FRMPD3: variants seen among roughly 807,000 people sequenced by gnomAD.
The protein encoded by FRMPD3 is FERM and PDZ domain containing 3.
In FRMPD3, 42 loss-of-function variants were observed where a neutral mutation model predicts 97.9. The observed-to-expected ratio is 0.43, with a 90% confidence interval of 0.34 to 0.55. The LOEUF is 0.55. FRMPD3 is among the 20% of genes least tolerant of loss of function. The pLI is 0.03. For synonymous variants in FRMPD3, 577 were observed against 581.1 expected (o/e 0.99, Z 0.10); for missense variants, 1,303 against 1,457.7 (o/e 0.89, Z 1.73).
chrX:107,568,065 A>G (rs1922686656), intron 12 of FRMPD3, among the ~76,000 whole-genome samples: 1 of 110,791 alleles, frequency 9.0e-6, no homozygotes, highest in Admixed American at 9.7e-5. Flanking sequence ...AAGTACTCTG[A>G]AGAATGGTAC....
At position 107,461,961 on chromosome X, in the gene FRMPD3, C is replaced by T. The variant is rs181404425; in HGVS notation, c.-8+11956C>T. Reference sequence around the variant, plus strand: ...TCCCTGCAGTCATTTTTTTTTTCTTCCCCCAGCCTGCAGTGGCCCCCTTTG... The same window carrying T: ...TCCCTGCAGTCATTTTTTTTTTCTTTCCCCAGCCTGCAGTGGCCCCCTTTG... On this transcript the variant is annotated intron_variant, in intron 1 of 14. Coordinates refer to ENST00000683843, the MANE Select transcript of FRMPD3 (RefSeq NM_001388459.1). 7.4e-5 allele frequency among the ~76,000 whole-genome samples: 8 copies of T among 107,883 alleles called. No homozygotes were observed. The East Asian group carries it at 2.3e-3, about 31-fold the overall frequency. The allele number at this position is 107,883 out of a possible 115,157, so 93.7% of individuals were successfully genotyped here.
chrX:107,597,551 C>T lies in FRMPD3; in HGVS notation c.1672C>T (p.Pro558Ser), dbSNP rs768742153. 3 of 1,208,730 alleles carry T rather than the reference C, an allele frequency of 2.5e-6. No homozygotes were observed. The African/African-American group carries it at 5.2e-5, about 21-fold the overall frequency. ...ENLIFFEETR[P>S]RTKSDPTSKS... ...CCTAATCTTCTTTGAGGAGACCAGG[C>T]CCCGAACCAAGTCTGACCCCACATC... Residue 558 changes from proline to serine, a missense_variant, in exon 14 of 15, where the codon CCC becomes TCC. Pro to Ser is a moderately conservative substitution (Grantham distance 74). This residue lies in a region of FRMPD3 where 535 missense variants were observed against 618.6 expected (regional missense o/e 0.86). Coordinates refer to ENST00000683843, the MANE Select transcript of FRMPD3 (RefSeq NM_001388459.1).
At chrX:107,539,720 A>C (rs2147565037) in intron 4 of FRMPD3, among the ~76,000 whole-genome samples, 1 of 111,671 alleles carries the variant, frequency 9.0e-6, no homozygotes, top group Non-Finnish European at 1.9e-5. Context: ...TTCATTACTA[A>C]TTTTAGCAAT....
At chrX:107,586,568 C>T (rs1923657557) in intron 13 of FRMPD3, among the ~76,000 whole-genome samples, 1 of 111,413 alleles carries the variant, frequency 9.0e-6, no homozygotes, top group Non-Finnish European at 1.9e-5. Flanking sequence ...TTCTAGCTTT[C>T]TGATGATGTA....
intron 7 of FRMPD3, among the ~76,000 whole-genome samples, chrX:107,553,883 A>C (rs780312862): frequency 1.8e-5 from 2 of 112,397 alleles, no homozygotes; most frequent in East Asian, 5.6e-4. Context: ...AGTAGGAGGA[A>C]TATAGTATCA....
intron 1 of FRMPD3, among the ~76,000 whole-genome samples, chrX:107,507,263 T>A (rs1324319397): frequency 9.1e-6 from 1 of 109,901 alleles, no homozygotes; most frequent in African/African-American, 3.3e-5. Context: ...AGCCCTCCGG[T>A]CCTTTCGAGG....
intron 1 of FRMPD3, among the ~76,000 whole-genome samples, chrX:107,489,237 G>A (rs1306763227): frequency 9.1e-6 from 1 of 109,540 alleles, no homozygotes; most frequent in Non-Finnish European, 1.9e-5. Context: ...GTCTATCGTT[G>A]TTGGACATTT....
intron 13 of FRMPD3, among the ~76,000 whole-genome samples, chrX:107,584,803 A>G (rs772690103): frequency 8.1e-5 from 9 of 111,348 alleles, no homozygotes; most frequent in Non-Finnish European, 1.5e-4. Flanking sequence ...ACTTGTCTAT[A>G]TGTCTGTTTT....
At chrX:107,467,286 TGTGA>T (rs886154855) in intron 1 of FRMPD3, among the ~76,000 whole-genome samples, 1 of 110,158 alleles carries the variant, frequency 9.1e-6, no homozygotes, top group African/African-American at 3.3e-5. Flanking sequence ...AAAGTGTAAA[TGTGA>T]GTGTGAGTGT....
intron 14 of FRMPD3, among the ~76,000 whole-genome samples, chrX:107,599,420 G>T (rs1924383200): frequency 9.0e-6 from 1 of 111,311 alleles, no homozygotes; most frequent in African/African-American, 3.3e-5. Context: ...CAACCCCCAT[G>T]TATTTGGCCC....
At chrX:107,592,669 A>G (rs1923960397) in intron 13 of FRMPD3, among the ~76,000 whole-genome samples, 1 of 110,871 alleles carries the variant, frequency 9.0e-6, no homozygotes, top group Non-Finnish European at 1.9e-5. Context: ...TTTTTAAGGA[A>G]TCTCCATACT....
intron 6 of FRMPD3, among the ~76,000 whole-genome samples, chrX:107,550,525 G>C (rs1014284223): frequency 8.9e-6 from 1 of 112,414 alleles, no homozygotes; most frequent in African/African-American, 3.2e-5. Flanking sequence ...ACCTACACAA[G>C]TTTATGCACA....
At chrX:107,490,314 A>G (rs1168591725) in intron 1 of FRMPD3, among the ~76,000 whole-genome samples, 3 of 112,065 alleles carry the variant, frequency 2.7e-5, no homozygotes, top group Non-Finnish European at 3.8e-5. Context: ...TTGACTTGGC[A>G]GTGCAGGCTC....
At chrX:107,590,568 G>T (rs1382671641) in intron 13 of FRMPD3, among the ~76,000 whole-genome samples, 1 of 112,518 alleles carries the variant, frequency 8.9e-6, no homozygotes, top group Non-Finnish European at 1.9e-5. Flanking sequence ...TTTTATTTAT[G>T]TTTTTGTGCA....
At chrX:107,578,471 G>A (rs1485233228) in intron 13 of FRMPD3, among the ~76,000 whole-genome samples, 1 of 111,439 alleles carries the variant, frequency 9.0e-6, no homozygotes, top group Non-Finnish European at 1.9e-5. Flanking sequence ...GCTAGGTGTG[G>A]CTTTAAAACA....
At chrX:107,561,798 A>AT (rs1922373192) in intron 10 of FRMPD3, among the ~76,000 whole-genome samples, 1 of 112,659 alleles carries the variant, frequency 8.9e-6, no homozygotes, top group African/African-American at 3.2e-5. Context: ...TGCTGTGAAT[A>AT]TTTAATCAGA....
rs188658891 is a variant in FRMPD3 at position 107,530,089 on chromosome X, C to T, written c.149-320C>T. ...ACTTAGCATTCTGTGTTTGGAACAG[C>T]ATCCTCTAACTAGCTCTGGAGGGCT... On this transcript the variant is annotated intron_variant, in intron 2 of 14. Transcript: ENST00000683843. Among the ~76,000 whole-genome samples the T allele has an allele frequency of 3.6e-5, 4 of 112,331 alleles. No homozygotes were observed. The East Asian group carries it at 8.4e-4, about 24-fold the overall frequency.
chrX:107,501,370 T>TGCAAAAAATACTGACA, intron 1 of FRMPD3, among the ~76,000 whole-genome samples: 4 of 87,260 alleles, frequency 4.6e-5, no homozygotes, highest in African/African-American at 1.4e-4. Context: ...TTTTTTTTTT[T>TGCAAAAAATACTGACA]TTTTTTTTTG....
chrX:107,599,069 T>A lies in FRMPD3; in HGVS notation c.2263+927T>A, dbSNP rs781659019. 2.3e-4 allele frequency among the ~76,000 whole-genome samples: 25 copies of A among 111,012 alleles called. No individual in the cohort carries two copies. In the South Asian group the frequency reaches 9.2e-3, roughly 41 times the overall value. On this transcript the variant is annotated intron_variant, in intron 14 of 14. Coordinates refer to ENST00000683843, the MANE Select transcript of FRMPD3 (RefSeq NM_001388459.1). ...GGGCAGATTACTTGAGGTCAGGAGTTCGAGATCAGCCTGGCCAACATGGTG... is the reference window on the plus strand; with the variant it reads ...GGGCAGATTACTTGAGGTCAGGAGTACGAGATCAGCCTGGCCAACATGGTG...
Sources: allele counts gnomAD v4.1 joint callset (sites outside exome capture counted in the v4.1 genomes callset), GRCh38; gene constraint gnomAD v4.1.1; regional missense constraint gnomAD v4.1.1; transcripts MANE v1.5; gene names NCBI Gene and HGNC (gene_info 2026-07-23, HGNC 2026-07-21).